PLA2G4C: variants seen among roughly 807,000 people sequenced by gnomAD.
PLA2G4C encodes phospholipase A2 group IVC, also known as cytosolic phospholipase A2 gamma.
Under a neutral mutation model 73.8 loss-of-function variants are expected in PLA2G4C, and 64 were observed. That is an observed-to-expected ratio of 0.87 (90% CI 0.71 to 1.07). PLA2G4C has a LOEUF of 1.07. PLA2G4C is among the 50% of genes least tolerant of loss of function. The pLI, the probability that PLA2G4C is intolerant of heterozygous loss-of-function variation, is 0.00. For synonymous variants in PLA2G4C, 254 were observed against 252.1 expected (o/e 1.01, Z -0.07); for missense variants, 622 against 665.4 (o/e 0.93, Z 0.72).
intron 9 of PLA2G4C, among the ~76,000 whole-genome samples, chr19:48,086,016 T>C (rs1282914380): frequency 6.6e-6 from 1 of 152,120 alleles, no homozygotes; most frequent in South Asian, 2.1e-4. Context: ...AGGTGGGTGG[T>C]CGCAGGTTGA....
chr19:48,074,310 G>C, intron 12 of PLA2G4C: 1 of 166,776 alleles, frequency 6.0e-6, no homozygotes, highest in Admixed American at 5.8e-5. Flanking sequence ...CAGAGGACAT[G>C]ATCTTGTTCC....
At chr19:48,087,533 G>C (rs1415064543) in intron 9 of PLA2G4C, among the ~76,000 whole-genome samples, 2 of 152,208 alleles carry the variant, frequency 1.3e-5, no homozygotes, top group Non-Finnish European at 2.9e-5. Flanking sequence ...GTGCCCGTCT[G>C]ATCTGAATAG....
In PLA2G4C at chr19:48,088,763, T is replaced by C. The variant is rs150079579; in HGVS notation, c.764-51A>G. On this transcript the variant is annotated intron_variant, in intron 8 of 16. Transcript: ENST00000599921. ...ATGTTTATCTGTACAACAAAGTCCC[T>C]AGTTATAATATAAAAAATACAGATG... is the stretch of plus-strand genomic sequence containing the variant. 3.6e-4 allele frequency: 471 copies of C among 1,314,862 alleles called. 3 individuals carry two copies. The East Asian group carries it at 0.011, about 29-fold the overall frequency. The allele number at this position is 1,314,862 out of a possible 1,614,324, so 81.4% of individuals were successfully genotyped here. A position where few individuals can be genotyped will look rare whatever the true frequency, so the allele number is the denominator to read the frequency against.
At chr19:48,077,900 G>C in intron 10 of PLA2G4C, 76 bp from the exon 11 acceptor site, 1 of 1,219,410 alleles carries the variant, frequency 8.2e-7, no homozygotes. Context: ...TACCTGCAGC[G>C]ACGTCTCTTT....
intron 10 of PLA2G4C, among the ~76,000 whole-genome samples, chr19:48,082,199 T>C (rs2030619290): frequency 6.6e-6 from 1 of 151,542 alleles, no homozygotes; most frequent in Non-Finnish European, 1.5e-5. Flanking sequence ...AAACCACTTG[T>C]ACCCCAAAAG....
At chr19:48,085,291 A>G (rs1181095001) in intron 9 of PLA2G4C, among the ~76,000 whole-genome samples, 179 bp from the exon 10 acceptor site, 1 of 152,176 alleles carries the variant, frequency 6.6e-6, no homozygotes, top group Non-Finnish European at 1.5e-5. Context: ...CACTCTTCTG[A>G]CTGTTGGAAT....
intron 4 of PLA2G4C, among the ~76,000 whole-genome samples, chr19:48,101,098 T>C (rs967791798): frequency 7.6e-6 from 1 of 132,354 alleles, no homozygotes; most frequent in African/African-American, 3.0e-5. Context: ...GTGTGTCACA[T>C]AGAGTCTATA....
chr19:48,058,236 T>C (rs1397099604), intron 14 of PLA2G4C, among the ~76,000 whole-genome samples: 1 of 151,426 alleles, frequency 6.6e-6, no homozygotes, highest in African/African-American at 2.4e-5. Context: ...AAGGTGGAGG[T>C]TGTGGCAAGC....
intron 10 of PLA2G4C, among the ~76,000 whole-genome samples, chr19:48,080,790 C>T (rs150111395): frequency 7.9e-5 from 11 of 139,768 alleles, no homozygotes; most frequent in Admixed American, 5.2e-4. Flanking sequence ...GGCAACAGAG[C>T]GAGACTCTGC....
At chr19:48,095,777 C>T (rs923000541) in intron 6 of PLA2G4C, among the ~76,000 whole-genome samples, 173 bp from the exon 7 acceptor site, 1 of 152,150 alleles carries the variant, frequency 6.6e-6, no homozygotes, top group Non-Finnish European at 1.5e-5. Flanking sequence ...CCTGAGTCTA[C>T]GCTGCTGGTG....
intron 7 of PLA2G4C, among the ~76,000 whole-genome samples, chr19:48,094,528 ACT>A (rs1340850641): frequency 4.6e-5 from 7 of 152,006 alleles, no homozygotes; most frequent in African/African-American, 1.7e-4. Flanking sequence ...ATCATACCTA[ACT>A]CTCACACCCA....
chr19:48,073,309 C>G (rs2029918994), intron 12 of PLA2G4C, among the ~76,000 whole-genome samples: 1 of 152,076 alleles, frequency 6.6e-6, no homozygotes, highest in East Asian at 1.9e-4. Flanking sequence ...CTCAGCCTCC[C>G]AAAGTGCTGG....
chr19:48,095,864 A>C (rs541828504), intron 6 of PLA2G4C, among the ~76,000 whole-genome samples: 17 of 152,282 alleles, frequency 1.1e-4, no homozygotes, highest in African/African-American at 4.1e-4. Flanking sequence ...TCTCTCTTCC[A>C]TCTCATTGTG....
At chr19:48,090,631 G>T in intron 7 of PLA2G4C, 2 of 556,424 alleles carry the variant, frequency 3.6e-6, no homozygotes, top group Non-Finnish European at 6.4e-6. Context: ...GACAGATAAA[G>T]TCCTTGTCCT....
At position 48,053,145 on chromosome 19, in the gene PLA2G4C, C is replaced by T. The variant is rs771673375; in HGVS notation, c.1432G>A (p.Asp478Asn). Residue 478 changes from aspartate (D) to asparagine (N), a missense_variant and splice_region_variant, in exon 16 of 17, where the codon GAT becomes AAT. Asp to Asn is a conservative substitution (Grantham distance 23). Transcript: ENST00000599921. ...TATGTGTCACTCCATGCCTCAATAT[C>T]ACCTGAAGCATAACCAAACCAACAA... ...PLFNIDACGG[D>N]IEAWSDTYDT... is the part of the protein sequence containing the mutation. 1.9e-6 allele frequency: 3 copies of T among 1,578,764 alleles called. No homozygotes were observed. Among genetic ancestry groups the T allele is most frequent in the Non-Finnish European group, 2.6e-6 (3 of 1,155,690 alleles).
intron 16 of PLA2G4C, among the ~76,000 whole-genome samples, chr19:48,050,430 G>A (rs970019208): frequency 2.6e-5 from 4 of 152,044 alleles, no homozygotes; most frequent in African/African-American, 9.7e-5. Context: ...TGCTCCTCAG[G>A]GTGCTAATTA....
intron 12 of PLA2G4C, 44 bp from the exon 13 acceptor site, chr19:48,067,930 G>C (rs1415089612): frequency 1.5e-6 from 2 of 1,364,934 alleles, no homozygotes; most frequent in South Asian, 2.3e-5. Flanking sequence ...TCAGGAGACT[G>C]AGTGGTTTCT....
intron 10 of PLA2G4C, among the ~76,000 whole-genome samples, chr19:48,084,039 T>TG (rs1568440624): frequency 6.3e-5 from 8 of 126,246 alleles, no homozygotes; most frequent in Admixed American, 2.4e-4. Context: ...GAATGCCAAT[T>TG]TTGTGTGTGT....
At chr19:48,085,155 A>T in intron 9 of PLA2G4C, 43 bp from the exon 10 acceptor site, 1 of 1,378,042 alleles carries the variant, frequency 7.3e-7, no homozygotes, top group Non-Finnish European at 1.0e-6. Context: ...TCTCCATCAC[A>T]TGACTGTCAT....
Sources: allele counts gnomAD v4.1 joint callset (sites outside exome capture counted in the v4.1 genomes callset), GRCh38; gene constraint gnomAD v4.1.1; transcripts MANE v1.5; gene names NCBI Gene and HGNC (gene_info 2026-07-23, HGNC 2026-07-21).